Variants in ERC1 observed in about 807,000 individuals in gnomAD.
ERC1 encodes RAB6 interacting protein 2.
A neutral mutation model predicts 132.0 loss-of-function variants in ERC1; 56 were observed. That is an observed-to-expected ratio of 0.42 (90% CI 0.34 to 0.53). The LOEUF (loss-of-function observed/expected upper bound fraction) is 0.53, where lower values mean the gene tolerates loss of function less well. Among genes scored for constraint, ERC1 ranks in the 20% least tolerant of loss-of-function variants. ERC1 has a pLI of 0.03. For missense variants in ERC1, 1,202 were observed against 1,349.9 expected (o/e 0.89, Z 1.72); for synonymous variants, 478 against 476.1 (o/e 1.00, Z -0.05).
chr12:1,037,098 G>A (rs1969234491), intron 2 of ERC1, among the ~76,000 whole-genome samples: 1 of 152,110 alleles, frequency 6.6e-6, no homozygotes, highest in African/African-American at 2.4e-5. Flanking sequence ...TTGCTTATCT[G>A]GAATGTAGTG....
intron 8 of ERC1, among the ~76,000 whole-genome samples, chr12:1,154,699 A>T (rs1951198931): frequency 6.6e-6 from 1 of 152,180 alleles, no homozygotes; most frequent in Admixed American, 6.5e-5. Context: ...TCTACAAGGA[A>T]CTTAAATCAA....
chr12:1,356,212 AAGTGTGTGTGTGT>A (rs1359085632), intron 15 of ERC1, among the ~76,000 whole-genome samples: 9 of 119,060 alleles, frequency 7.6e-5, no homozygotes, highest in South Asian at 5.1e-4. Context: ...AAAAAAAAAA[AAGTGTGTGTGTGT>A]GTGTGTGTGT....
chr12:1,302,670 A>T (rs1186627411), intron 15 of ERC1, among the ~76,000 whole-genome samples: 1 of 152,196 alleles, frequency 6.6e-6, no homozygotes, highest in Admixed American at 6.5e-5. Context: ...CCCAGTGCTT[A>T]TAAAAGTTAT....
At chr12:1,472,899 A>T (rs2093891785) in intron 18 of ERC1, among the ~76,000 whole-genome samples, 1 of 152,232 alleles carries the variant, frequency 6.6e-6, no homozygotes, top group Non-Finnish European at 1.5e-5. Context: ...TCATGAGGGA[A>T]AGAAAGGAGG....
At chr12:1,402,615 A>ACACACACACACACACACACACAC (rs1555393220) in intron 16 of ERC1, among the ~76,000 whole-genome samples, 3 of 72,106 alleles carry the variant, frequency 4.2e-5, no homozygotes, top group African/African-American at 3.3e-4. Context: ...GTAACCCCCA[A>ACACACACACACACACACACACAC]CACACACACA....
intron 14 of ERC1, among the ~76,000 whole-genome samples, chr12:1,268,791 C>G (rs192345680): frequency 6.6e-6 from 1 of 152,026 alleles, no homozygotes; most frequent in East Asian, 1.9e-4. Context: ...AAGAACTAGG[C>G]AAAGAAATGG....
chr12:1,439,426 C>T (rs940523917), intron 17 of ERC1, among the ~76,000 whole-genome samples: 1 of 152,174 alleles, frequency 6.6e-6, no homozygotes, highest in African/African-American at 2.4e-5. Flanking sequence ...GCCTCTGAAG[C>T]CTGTTTGAGA....
intron 16 of ERC1, among the ~76,000 whole-genome samples, chr12:1,395,509 G>T (rs548311967): frequency 5.9e-5 from 9 of 151,654 alleles, no homozygotes; most frequent in African/African-American, 2.2e-4. Context: ...TCCAGAGTTC[G>T]AAGTTAAAGT....
intron 12 of ERC1, among the ~76,000 whole-genome samples, chr12:1,231,802 T>C (rs1355752568): frequency 6.6e-6 from 1 of 152,112 alleles, no homozygotes; most frequent in East Asian, 1.9e-4. Flanking sequence ...TGCAGTGGCA[T>C]GTTCTTGGCT....
In ERC1 at chr12:1,450,252, C is replaced by T. The variant is rs11061766; in HGVS notation, c.3213+5502C>T. ...GTGTTATATTCATAACGTAAACTAT[C>T]ACCACCATCTATCTCTGTAGCTCTT... is the stretch of plus-strand genomic sequence containing the variant. On this transcript the variant is annotated intron_variant, in intron 18 of 18. Coordinates refer to ENST00000360905, the MANE Select transcript of ERC1 (RefSeq NM_178040.4). Among the ~76,000 whole-genome samples the T allele has an allele frequency of 2.6e-3, 391 of 152,258 alleles. 4 individuals carry two copies. Among genetic ancestry groups the T allele is most frequent in the Non-Finnish European group, 4.7e-3 (317 of 68,014 alleles).
intron 2 of ERC1, among the ~76,000 whole-genome samples, chr12:1,030,037 C>T (rs12424936): frequency 0.035 from 5,264 of 152,164 alleles, 96 homozygotes; most frequent in Middle Eastern, 0.061. Flanking sequence ...CGCGAGCCAC[C>T]GCCAGGCCCA....
intron 1 of ERC1, among the ~76,000 whole-genome samples, chr12:1,005,868 T>G (rs916347140): frequency 2.6e-5 from 4 of 152,072 alleles, no homozygotes; most frequent in African/African-American, 9.7e-5. Context: ...AAGTTCAGAA[T>G]TAGGTTTTGA....
chr12:1,261,276 A>G (rs1192700956), intron 13 of ERC1, among the ~76,000 whole-genome samples: 2 of 152,234 alleles, frequency 1.3e-5, no homozygotes, highest in Non-Finnish European at 2.9e-5. Flanking sequence ...AGAGTGGGAT[A>G]GGATAGACCG....
At chr12:1,041,127 G>C (rs752868676) in intron 2 of ERC1, among the ~76,000 whole-genome samples, 5 of 151,566 alleles carry the variant, frequency 3.3e-5, no homozygotes, top group African/African-American at 1.2e-4. Context: ...ATATTTATTA[G>C]TACATTTAGA....
chr12:1,116,280 C>A, intron 7 of ERC1: 1 of 345,250 alleles, frequency 2.9e-6, no homozygotes. Context: ...GTCTGTACTT[C>A]AAAGTATACT....
chr12:1,426,189 C>T (rs2092633387), intron 17 of ERC1, among the ~76,000 whole-genome samples: 1 of 151,768 alleles, frequency 6.6e-6, no homozygotes, highest in South Asian at 2.1e-4. Flanking sequence ...CTGCAACCTC[C>T]ACCTCCTGGG....
chr12:1,178,447 A>G (rs958463493), intron 8 of ERC1, among the ~76,000 whole-genome samples: 1 of 152,198 alleles, frequency 6.6e-6, no homozygotes, highest in Non-Finnish European at 1.5e-5. Flanking sequence ...TAAAACAAAG[A>G]TTACATATGG....
intron 14 of ERC1, among the ~76,000 whole-genome samples, chr12:1,266,198 T>C (rs752746874): frequency 2.2e-4 from 34 of 152,234 alleles, no homozygotes; most frequent in Admixed American, 4.6e-4. Context: ...TTCTGTTTTC[T>C]TGTCCACCTT....
chr12:1,381,784 C>G (rs1333560087), intron 16 of ERC1, among the ~76,000 whole-genome samples: 2 of 152,208 alleles, frequency 1.3e-5, no homozygotes, highest in South Asian at 2.1e-4. Flanking sequence ...CAAGACTCAT[C>G]ATGATAGGTC....
Sources: gnomAD v4.1 joint callset for allele counts (sites outside exome capture counted in the v4.1 genomes callset) on GRCh38, gnomAD v4.1.1 for gene constraint, MANE v1.5 for transcripts, NCBI Gene and HGNC (gene_info 2026-07-23, HGNC 2026-07-21) for gene names.